MAP7D1: variants seen among roughly 807,000 people sequenced by gnomAD.
MAP7D1 encodes MAP7 domain containing 1.
A neutral mutation model predicts 97.5 loss-of-function variants in MAP7D1; 30 were observed. That is an observed-to-expected ratio of 0.31 (90% CI 0.23 to 0.42). The LOEUF (loss-of-function observed/expected upper bound fraction) is 0.42, where lower values mean the gene tolerates loss of function less well. Ranked by LOEUF, MAP7D1 falls within the 10% of genes least tolerant of loss-of-function variation. MAP7D1 has a pLI of 1.00. For missense variants in MAP7D1, 1,184 were observed against 1,179.5 expected, an observed-to-expected ratio of 1.00 and a Z score of -0.06; for synonymous variants, 536 against 477.1, an observed-to-expected ratio of 1.12 and a Z score of -1.61.
Position 36,156,186 on chromosome 1 carries a change from G to A in MAP7D1, c.-232G>A, listed in dbSNP as rs886945886. 5 of 422,288 alleles carry A rather than the reference G, an allele frequency of 1.2e-5. No individual in the cohort carries two copies. The highest frequency in any genetic ancestry group is 1.0e-4 in the African/African-American group (5 of 47,968). 26.2% of individuals were successfully genotyped at this position (422,288 alleles called of 1,614,324 possible). On this transcript the variant is annotated 5_prime_UTR_variant, in exon 1 of 17. Coordinates refer to ENST00000474796, the MANE Select transcript of MAP7D1 (RefSeq NM_001388490.1). Reference sequence around the variant, plus strand: ...TTGGGCCGAGGCCGGGACTGGGCCGGCGCCGGGCGGGGAACGGGTTCGCGA... The same window carrying A: ...TTGGGCCGAGGCCGGGACTGGGCCGACGCCGGGCGGGGAACGGGTTCGCGA...
In MAP7D1 at chr1:36,176,229, G is replaced by C; in HGVS notation, c.881G>C (p.Ser294Thr). The C allele has an allele frequency of 6.2e-7, 1 of 1,608,406 alleles. No individual in the cohort carries two copies. The highest frequency in any genetic ancestry group is 1.1e-5 in the South Asian group (1 of 90,960). The change falls in exon 7 of 17, where the codon AGC (serine) becomes ACC (threonine). Residue 294 changes from serine (S) to threonine (T), a missense_variant. Transcript: ENST00000474796. This position sits in a 1 kb window ranked among gnomAD's most constrained non-coding sequence, Gnocchi z 6.1. Reference sequence around the variant, plus strand: ...AGCCTGCAGCTGAGCGCATGGGAGAGCAGCATCGTGGATCGTCTGATGACG... The same window carrying C: ...AGCCTGCAGCTGAGCGCATGGGAGACCAGCATCGTGGATCGTCTGATGACG... ...NRSLQLSAWE[S>T]SIVDRLMTPT...
intron 2 of MAP7D1, 53 bp downstream of exon 2, chr1:36,171,368 C>T: frequency 2.6e-6 from 4 of 1,545,104 alleles, no homozygotes; most frequent in Non-Finnish European, 3.5e-6. Context: ...AGGGTCCTGG[C>T]CCTGGATCAT....
chr1:36,174,693 G>T (rs572143504), intron 5 of MAP7D1, among the ~76,000 whole-genome samples: 1 of 151,516 alleles, frequency 6.6e-6, no homozygotes, highest in Non-Finnish European at 1.5e-5. Context: ...CTTCTCCGTC[G>T]GCTCCCCCAA....
intron 1 of MAP7D1, chr1:36,157,072 T>A (rs1317286190): frequency 6.6e-6 from 1 of 152,086 alleles, no homozygotes; most frequent in East Asian, 1.9e-4. Context: ...TAGCCGCTGC[T>A]GCCAAGTAAC....
rs1323984614 is a variant in MAP7D1 at position 36,178,083 on chromosome 1, G to A, written c.1590G>A (p.Lys530=). The A allele has an allele frequency of 6.2e-7, 1 of 1,607,882 alleles. No individual in the cohort carries two copies. The highest frequency in any genetic ancestry group is 1.3e-5 in the African/African-American group (1 of 74,802). Residue 530 remains lysine (K), a synonymous_variant, in exon 9 of 17, where the codon AAG becomes AAA. Coordinates refer to ENST00000474796, the MANE Select transcript of MAP7D1 (RefSeq NM_001388490.1). ...AAGPEDKSQS[K]RRASNEKESA... ...GGCCCGAGGACAAGAGCCAGAGCAA[G>A]CGCAGGGCCAGTAACGAGAAGGAGT...
At chr1:36,175,165 G>C (rs1644601283) in intron 6 of MAP7D1, among the ~76,000 whole-genome samples, 157 bp downstream of exon 6, 1 of 152,106 alleles carries the variant, frequency 6.6e-6, no homozygotes, top group Non-Finnish European at 1.5e-5. Flanking sequence ...CCCCTCGGGG[G>C]AGCCGGCATA....
At chr1:36,175,945 C>T (rs933213121) in intron 6 of MAP7D1, among the ~76,000 whole-genome samples, 7 of 152,200 alleles carry the variant, frequency 4.6e-5, no homozygotes, top group Admixed American at 3.9e-4. Flanking sequence ...GCCCCTTCAC[C>T]TGGGGAGCGT....
At chr1:36,174,847 C>A (rs771182109) in intron 5 of MAP7D1, 51 bp from the exon 6 acceptor site, 18 of 1,120,228 alleles carry the variant, frequency 1.6e-5, no homozygotes, top group Middle Eastern at 4.0e-4. Context: ...CGGTGCCCCC[C>A]ACTGGCTCCT....
At position 36,179,003 on chromosome 1, in the gene MAP7D1, A is replaced by G. The variant is rs1467605191; in HGVS notation, c.2108A>G (p.Gln703Arg). 2 of 1,555,068 alleles carry G rather than the reference A, an allele frequency of 1.3e-6. No homozygotes were observed. The highest frequency in any genetic ancestry group is 2.4e-5 in the East Asian group (1 of 41,100). Residue 703 changes from glutamine to arginine, a missense_variant, in exon 12 of 17, where the codon CAA (glutamine) becomes CGA (arginine). By Grantham distance (43) the Gln-to-Arg change is conservative (BLOSUM62 1). Coordinates refer to ENST00000474796, the MANE Select transcript of MAP7D1 (RefSeq NM_001388490.1). The stretch of plus-strand genomic sequence containing the variant: ...GAAAAGCACTTCCAGCAGCAGGAGC[A>G]AGAGCGGCAAGAGCGCAGAAAGGTG... ...EREKHFQQQE[Q>R]ERQERRKRLE...
intron 1 of MAP7D1, among the ~76,000 whole-genome samples, chr1:36,170,515 G>A (rs775413609): frequency 4.6e-5 from 7 of 152,118 alleles, no homozygotes; most frequent in African/African-American, 7.2e-5. Context: ...TTTGGTGCAC[G>A]AATAAGTGCT....
At position 36,176,195 on chromosome 1, in the gene MAP7D1, C is replaced by T. The variant is rs1181723540; in HGVS notation, c.851-4C>T. ...ACCGGCTTCGCCTGGCCTTCTACCC[C>T]CAGATCGCAGCCTGCAGCTGAGCGC... is the stretch of plus-strand genomic sequence containing the variant. On this transcript the variant is annotated splice_region_variant and splice_polypyrimidine_tract_variant and intron_variant, in intron 6 of 16. Transcript: ENST00000474796. This position sits in a 1 kb window ranked among gnomAD's most constrained non-coding sequence, Gnocchi z 6.1. 1.2e-6 allele frequency: 2 copies of T among 1,605,818 alleles called. No individual in the cohort carries two copies. Among genetic ancestry groups the T allele is most frequent in the Admixed American group, 3.3e-5 (2 of 59,894 alleles).
chr1:36,174,917 G>A lies in MAP7D1; in HGVS notation c.759G>A (p.Val253=). Residue 253 remains valine (V), a synonymous_variant, in exon 6 of 17, where the codon GTG becomes GTA. Transcript: ENST00000474796. The part of the protein sequence containing the change: ...GHKTSGSRCS[V]SAVNLPKHVD... ...CTCCAGGTGGGAGCAGGTGCTCCGTGTCGGCAGTTAACCTGCCCAAACACG... is the reference window on the plus strand; with the variant it reads ...CTCCAGGTGGGAGCAGGTGCTCCGTATCGGCAGTTAACCTGCCCAAACACG... 6.2e-7 allele frequency: 1 copy of A among 1,612,914 alleles called. No individual in the cohort carries two copies. The highest frequency in any genetic ancestry group is 8.5e-7 in the Non-Finnish European group (1 of 1,179,046).
At position 36,176,090 on chromosome 1, in the gene MAP7D1, T is replaced by C. The variant is rs1000190762; in HGVS notation, c.851-109T>C. 5 of 1,257,456 alleles carry C rather than the reference T, an allele frequency of 4.0e-6. No individual in the cohort carries two copies. The highest frequency in any genetic ancestry group is 3.3e-6 in the Non-Finnish European group (3 of 920,714). The allele number at this position is 1,257,456 out of a possible 1,614,324, so 77.9% of individuals were successfully genotyped here. On this transcript the variant is annotated intron_variant, in intron 6 of 16. Coordinates refer to ENST00000474796, the MANE Select transcript of MAP7D1 (RefSeq NM_001388490.1). This position sits in a 1 kb window ranked among gnomAD's most constrained non-coding sequence, Gnocchi z 6.1. ...TGATTGTGGGGAGAGGACTCCCGGGTGAGAAGCCTTGGCCTTGGCATGGGG... is the reference window on the plus strand; with the variant it reads ...TGATTGTGGGGAGAGGACTCCCGGGCGAGAAGCCTTGGCCTTGGCATGGGG...
Position 36,179,681 on chromosome 1 carries a change from T to C in MAP7D1, c.2243T>C (p.Val748Ala), listed in dbSNP as rs369439455. ...CCTGTGACAGAGCCTGTGAAAGCTG[T>C]GGAGGCTCGGTCCCCAGGGCTGCAG... ...NGSSPEPVKAVEARSPGLQKE... is the reference protein window; with the variant it reads ...NGSSPEPVKAAEARSPGLQKE... The change falls in exon 15 of 17, where the codon GTG becomes GCG. Residue 748 changes from valine (V) to alanine (A), a missense_variant. Physicochemically the swap from Val to Ala is moderately conservative, Grantham distance 64. Transcript: ENST00000474796. The C allele has an allele frequency of 7.4e-5, 113 of 1,525,462 alleles. No individual in the cohort carries two copies. Among genetic ancestry groups the C allele is most frequent in the Non-Finnish European group, 9.0e-5 (102 of 1,134,320 alleles). 94.5% of individuals were successfully genotyped at this position (1,525,462 alleles called of 1,614,324 possible).
In MAP7D1 at chr1:36,171,523, G is replaced by A. The variant is rs748243447; in HGVS notation, c.402G>A (p.Lys134=). The change falls in exon 3 of 17, where the codon AAG becomes AAA. Residue 134 remains lysine (K), a synonymous_variant. Coordinates refer to ENST00000474796, the MANE Select transcript of MAP7D1 (RefSeq NM_001388490.1). ...GTTCCCTCTGCTCAGAGGTGAAGAA[G>A]GCAGGAGAGAGACACAAGCTGGCAA... ...DSPPTKQEVK[K]AGERHKLAKE... is the part of the protein sequence containing the mutation. 2 of 1,614,196 alleles carry A rather than the reference G, an allele frequency of 1.2e-6. No homozygotes were observed. The highest frequency in any genetic ancestry group is 2.2e-5 in the South Asian group (2 of 91,068).
chr1:36,167,520 C>A (rs1644487699), intron 1 of MAP7D1, among the ~76,000 whole-genome samples: 1 of 152,184 alleles, frequency 6.6e-6, no homozygotes, highest in African/African-American at 2.4e-5. Context: ...TGGATATATT[C>A]TTCGGGGCAG....
intron 1 of MAP7D1, among the ~76,000 whole-genome samples, chr1:36,163,960 G>A (rs185934603): frequency 1.4e-3 from 218 of 151,812 alleles, no homozygotes; most frequent in Non-Finnish European, 2.4e-3. Flanking sequence ...AAGTAGCTGG[G>A]ACTACAGGTG....
chr1:36,172,904 A>G lies in MAP7D1; in HGVS notation c.624+277A>G, dbSNP rs550996609. Among the ~76,000 whole-genome samples the G allele has an allele frequency of 2.0e-5, 3 of 152,354 alleles. No individual in the cohort carries two copies. The East Asian group carries it at 5.8e-4, about 29-fold the overall frequency. On this transcript the variant is annotated intron_variant, in intron 4 of 16. Transcript: ENST00000474796. ...GTACCCCATGTGTCTGTATGTATGCAGGTATGCATCTGTGTGAGCGTGCCT... is the reference window on the plus strand; with the variant it reads ...GTACCCCATGTGTCTGTATGTATGCGGGTATGCATCTGTGTGAGCGTGCCT...
At chr1:36,172,338 C>G in intron 3 of MAP7D1, 126 bp from the exon 4 acceptor site, 4 of 950,006 alleles carry the variant, frequency 4.2e-6, no homozygotes, top group Non-Finnish European at 5.8e-6. Flanking sequence ...AAAGCTCCAC[C>G]TAAGCAGGCG....
Sources: allele counts gnomAD v4.1 joint callset (sites outside exome capture counted in the v4.1 genomes callset), GRCh38; gene constraint gnomAD v4.1.1; non-coding constraint Gnocchi (gnomAD v3.1); transcripts MANE v1.5; gene names NCBI Gene and HGNC (gene_info 2026-07-23, HGNC 2026-07-21).